Variants in CDHR1 observed in about 807,000 individuals in gnomAD.
CDHR1 encodes cadherin-related family member 1.
In CDHR1, 61 loss-of-function variants were observed where a neutral mutation model predicts 72.1. The observed-to-expected ratio is 0.85, with a 90% CI of 0.69 to 1.05. The LOEUF is 1.05. CDHR1 is among the 50% of genes least tolerant of loss of function. The probability of loss-of-function intolerance (pLI) is 0.00; values close to 1 mark genes in which losing one functional copy is unlikely to be tolerated. For synonymous variants in CDHR1, 470 were observed against 448.1 expected (o/e 1.05, Z -0.62); for missense variants, 1,186 against 1,115.7 (o/e 1.06, Z -0.90).
In CDHR1 at chr10:84,214,213, C is replaced by G; in HGVS notation, c.2172C>G (p.Phe724Leu). 1 of 1,614,204 alleles carries G rather than the reference C, an allele frequency of 6.2e-7. No individual in the cohort carries two copies. Among genetic ancestry groups the G allele is most frequent in the Non-Finnish European group, 8.5e-7 (1 of 1,180,046 alleles). Reference protein sequence around the residue: ...AITVLISTATFWRNKKSNKVL... With the variant: ...AITVLISTATLWRNKKSNKVL... Reference sequence around the variant, plus strand: ...CTGTCCTCATCTCCACCGCCACCTTCTGGCGCAACAAGAAGTCTAACAAGG... The same window carrying G: ...CTGTCCTCATCTCCACCGCCACCTTGTGGCGCAACAAGAAGTCTAACAAGG... Residue 724 changes from phenylalanine to leucine, a missense_variant, in exon 17 of 17, where the codon TTC becomes TTG. Physicochemically the swap from Phe to Leu is conservative, Grantham distance 22. Transcript: ENST00000623527.
At chr10:84,209,639 CA>C (rs59316093) in intron 12 of CDHR1, among the ~76,000 whole-genome samples, 22,522 of 125,226 alleles carry the variant, frequency 0.18, 1,661 homozygotes, top group Non-Finnish European at 0.21. Flanking sequence ...AGAGAAAAGA[CA>C]AAAAAAAAAA....
At chr10:84,205,327 G>C (rs1226040358) in intron 9 of CDHR1, among the ~76,000 whole-genome samples, 1 of 152,056 alleles carries the variant, frequency 6.6e-6, no homozygotes, top group African/African-American at 2.4e-5. Context: ...CAGGACCTCA[G>C]CTGCCTTCCT....
At chr10:84,212,809 T>C in intron 15 of CDHR1, 2 of 560,936 alleles carry the variant, frequency 3.6e-6, no homozygotes, top group Non-Finnish European at 3.2e-6. Flanking sequence ...AAAGCCACTT[T>C]GCATCTAAGC....
chr10:84,206,565 A>G (rs7084853), intron 10 of CDHR1, among the ~76,000 whole-genome samples: 47,207 of 152,096 alleles, frequency 0.31, 8,322 homozygotes, highest in African/African-American at 0.48. Flanking sequence ...CCTACCCAAG[A>G]GCAGTAAGGA....
In CDHR1 at chr10:84,214,549, C is replaced by G. The variant is rs1474973654; in HGVS notation, c.2508C>G (p.Val836=). Residue 836 remains valine, a synonymous_variant, in exon 17 of 17, where the codon GTC becomes GTG. Transcript: ENST00000623527. ...AACCCAAAACTATGGGAAGCCCCGTCCAGTCAACTCTGATCTCTGAGCTCA... is the reference window on the plus strand; with the variant it reads ...AACCCAAAACTATGGGAAGCCCCGTGCAGTCAACTCTGATCTCTGAGCTCA... ...PPKPKTMGSP[V]QSTLISELKQ... The G allele has an allele frequency of 1.9e-6, 3 of 1,601,574 alleles. No homozygotes were observed. The highest frequency in any genetic ancestry group is 2.5e-6 in the Non-Finnish European group (3 of 1,179,924).
chr10:84,200,669 T>C lies in CDHR1; in HGVS notation c.507T>C (p.Ser169=), dbSNP rs758116873. ...ACAGGGACACAGGCTCTGGAGGGAG[T>C]GTCACCTACTTCCTGCAGGTAAGGC... ...AVDRDTGSGG[S]VTYFLQNLHS... Residue 169 remains serine (S), a synonymous_variant, in exon 6 of 17, where the codon AGT becomes AGC. Coordinates refer to ENST00000623527, the MANE Select transcript of CDHR1 (RefSeq NM_033100.4). The C allele has an allele frequency of 8.7e-6, 14 of 1,610,732 alleles. No individual in the cohort carries two copies. In the South Asian group the frequency reaches 1.4e-4, roughly 17 times the overall value.
Position 84,217,688 on chromosome 10 carries a change from C to T in CDHR1, c.*3067C>T. 2.0e-6 allele frequency: 2 copies of T among 985,432 alleles called. No individual in the cohort carries two copies. The highest frequency in any genetic ancestry group is 2.4e-6 in the Non-Finnish European group (2 of 830,002). 61.0% of individuals were successfully genotyped at this position (985,432 alleles called of 1,614,324 possible). On this transcript the variant is annotated 3_prime_UTR_variant, in exon 17 of 17. Transcript: ENST00000623527. ...AACACCATGTCCTGAAAGAGAGGAC[C>T]CCCTCCATGCATCCTCACCCCCCAG...
chr10:84,219,007 G>A, downstream of CDHR1: 1 of 625,780 alleles, frequency 1.6e-6, no homozygotes, highest in Non-Finnish European at 2.6e-6. Context: ...ATAACCCTAT[G>A]AGGTAAGGAC....
chr10:84,194,608 ACCCGCCGCTCCCGCCCCGTGCCCCCT>A lies in CDHR1; in HGVS notation c.-144_-119del. ...GTCATCCTCTTAGCGCCCTCACGCC[ACCCGCCGCTCCCGCCCCGTGCCCCCT>A]CCCGCCGCGGCTGCAGTCGCCGCTA... is the stretch of plus-strand genomic sequence containing the variant. On this transcript the variant is annotated 5_prime_UTR_variant, in exon 1 of 17. Coordinates refer to ENST00000623527, the MANE Select transcript of CDHR1 (RefSeq NM_033100.4). 1.9e-6 allele frequency: 1 copy of A among 524,508 alleles called. No individual in the cohort carries two copies. Among genetic ancestry groups the A allele is most frequent in the Non-Finnish European group, 3.1e-6 (1 of 317,492 alleles). 32.5% of individuals were successfully genotyped at this position (524,508 alleles called of 1,614,324 possible). A position where few individuals can be genotyped will look rare whatever the true frequency, so the allele number is the denominator to read the frequency against.
At position 84,215,948 on chromosome 10, in the gene CDHR1, C is replaced by T; in HGVS notation, c.*1327C>T. ...TGCCAAGATGAAGAAAATGAGTTCT[C>T]AAGGAGGGAATGCTTTGCTTGAGGC... On this transcript the variant is annotated 3_prime_UTR_variant, in exon 17 of 17. Coordinates refer to ENST00000623527, the MANE Select transcript of CDHR1 (RefSeq NM_033100.4). 2.0e-6 allele frequency: 2 copies of T among 985,404 alleles called. No individual in the cohort carries two copies. The highest frequency in any genetic ancestry group is 2.4e-6 in the Non-Finnish European group (2 of 829,930). The allele number at this position is 985,404 out of a possible 1,614,324, so 61.0% of individuals were successfully genotyped here.
downstream of CDHR1, chr10:84,219,476 T>A (rs4933980): frequency 0.48 from 394,267 of 824,196 alleles, 97,819 homozygotes; most frequent in African/African-American, 0.77. Context: ...TTTGCTTGGC[T>A]TGAAGGTCTG....
intron 2 of CDHR1, among the ~76,000 whole-genome samples, chr10:84,196,304 C>G (rs534336966): frequency 3.3e-5 from 5 of 152,188 alleles, no homozygotes; most frequent in Non-Finnish European, 5.9e-5. Flanking sequence ...CACAACCACC[C>G]GCTGTGAAGA....
intron 10 of CDHR1, among the ~76,000 whole-genome samples, chr10:84,206,608 A>G (rs1842231167): frequency 6.6e-6 from 1 of 152,236 alleles, no homozygotes; most frequent in South Asian, 2.1e-4. Flanking sequence ...GATTACAGCC[A>G]CTTGAAAAGT....
In CDHR1 at chr10:84,217,206, G is replaced by A. The variant is rs1200613271; in HGVS notation, c.*2585G>A. On this transcript the variant is annotated 3_prime_UTR_variant, in exon 17 of 17. Coordinates refer to ENST00000623527, the MANE Select transcript of CDHR1 (RefSeq NM_033100.4). The stretch of plus-strand genomic sequence containing the variant: ...CGAATGGTGGGCCAAGGGGCTGTCT[G>A]CTAGGTCCCAGTAGGACAGGCAGAG... 1 of 985,550 alleles carries A rather than the reference G, an allele frequency of 1.0e-6. No homozygotes were observed. The highest frequency in any genetic ancestry group is 1.7e-5 in the African/African-American group (1 of 57,374). The allele number at this position is 985,550 out of a possible 1,614,324, so 61.1% of individuals were successfully genotyped here.
intron 6 of CDHR1, 73 bp downstream of exon 6, chr10:84,200,760 G>A (rs776025143): frequency 1.0e-4 from 104 of 1,033,620 alleles, no homozygotes; most frequent in South Asian, 5.7e-4. Context: ...TACCTCCATC[G>A]CCCCAGGCCC....
At position 84,218,229 on chromosome 10, in the gene CDHR1, G is replaced by T. The variant is rs1398714753; in HGVS notation, c.*3608G>T. On this transcript the variant is annotated 3_prime_UTR_variant, in exon 17 of 17. Transcript: ENST00000623527. Reference sequence around the variant, plus strand: ...CTTAGGAAACTCACAAACAACCTAGGGAGGGGTTCTCTGAAGGGCCTAGTT... The same window carrying T: ...CTTAGGAAACTCACAAACAACCTAGTGAGGGGTTCTCTGAAGGGCCTAGTT... 2 of 985,310 alleles carry T rather than the reference G, an allele frequency of 2.0e-6. No homozygotes were observed. The highest frequency in any genetic ancestry group is 2.4e-6 in the Non-Finnish European group (2 of 829,946). The allele number at this position is 985,310 out of a possible 1,614,324, so 61.0% of individuals were successfully genotyped here. A position where few individuals can be genotyped will look rare whatever the true frequency, so the allele number is the denominator to read the frequency against.
At chr10:84,204,811 G>T (rs1842195306) in intron 9 of CDHR1, among the ~76,000 whole-genome samples, 1 of 152,144 alleles carries the variant, frequency 6.6e-6, no homozygotes, top group African/African-American at 2.4e-5. Flanking sequence ...AGCCAAGAGA[G>T]CATGGGGCAG....
At chr10:84,205,257 G>A (rs780835157) in intron 9 of CDHR1, among the ~76,000 whole-genome samples, 7 of 152,092 alleles carry the variant, frequency 4.6e-5, no homozygotes, top group Non-Finnish European at 7.4e-5. Flanking sequence ...GGACATGCCT[G>A]TGCATACTCA....
rs989120111 is a variant in CDHR1 at position 84,217,648 on chromosome 10, T to A, written c.*3027T>A. ...GCTCAGTAGACACTTGCCGTGACTG[T>A]GGCCCACATACTAGAACACCATGTC... On this transcript the variant is annotated 3_prime_UTR_variant, in exon 17 of 17. Transcript: ENST00000623527. 4.1e-6 allele frequency: 4 copies of A among 985,368 alleles called. No homozygotes were observed. Among genetic ancestry groups the A allele is most frequent in the African/African-American group, 1.7e-5 (1 of 57,236 alleles). The allele number at this position is 985,368 out of a possible 1,614,324, so 61.0% of individuals were successfully genotyped here. A position where few individuals can be genotyped will look rare whatever the true frequency, so the allele number is the denominator to read the frequency against.
Sources: gnomAD v4.1 joint callset for allele counts (sites outside exome capture counted in the v4.1 genomes callset) on GRCh38, gnomAD v4.1.1 for gene constraint, MANE v1.5 for transcripts, NCBI Gene and HGNC (gene_info 2026-07-23, HGNC 2026-07-21) for gene names.